Variants in TNC observed in about 807,000 individuals in gnomAD.
The protein encoded by TNC is tenascin.
A neutral mutation model predicts 202.4 loss-of-function variants in TNC; 109 were observed. The observed-to-expected ratio is 0.54, with a 90% confidence interval of 0.46 to 0.63. TNC has a LOEUF of 0.63. Ranked by LOEUF, TNC falls within the 30% of genes least tolerant of loss-of-function variation. TNC has a pLI of 0.00. For synonymous variants in TNC, 1,007 were observed against 1,089.7 expected, an observed-to-expected ratio of 0.92 and a Z score of 1.50; for missense variants, 2,756 against 2,833.3, an observed-to-expected ratio of 0.97 and a Z score of 0.62.
intron 1 of TNC, among the ~76,000 whole-genome samples, chr9:115,107,020 A>G (rs1408900207): frequency 6.6e-6 from 1 of 152,188 alleles, no homozygotes; most frequent in Non-Finnish European, 1.5e-5. Flanking sequence ...CATTATTCTG[A>G]ACTTCTTTTA....
rs1588164610 is a variant in TNC, at chr9:115,086,698, T to G, written c.1033A>C (p.Thr345Pro). Residue 345 changes from threonine (T) to proline (P), a missense_variant, in exon 3 of 28, where the codon ACC becomes CCC. This residue lies in a region of TNC where 2,559 missense variants were observed against 2,546.0 expected (regional missense o/e 1.01). Coordinates refer to ENST00000350763, the MANE Select transcript of TNC (RefSeq NM_002160.4). The stretch of plus-strand genomic sequence containing the variant: ...TGGGTGTGGCAGGCATGTGGGCAGG[T>G]GGGTTTCCCGCAGTCTTCACCTGTG... ...GFTGEDCGKP[T>P]CPHACHTQGR... 1 of 1,614,014 alleles carries G rather than the reference T, an allele frequency of 6.2e-7. No individual in the cohort carries two copies. Among genetic ancestry groups the G allele is most frequent in the South Asian group, 1.1e-5 (1 of 91,068 alleles).
intron 10 of TNC, among the ~76,000 whole-genome samples, chr9:115,067,229 T>G (rs1833021615): frequency 6.6e-6 from 1 of 152,224 alleles, no homozygotes; most frequent in African/African-American, 2.4e-5. Flanking sequence ...GAGCATGTCC[T>G]TCTCAAATAT....
At position 115,024,139 on chromosome 9, in the gene TNC, G is replaced by C. The variant is rs1829296812; in HGVS notation, c.6332-3C>G. On this transcript the variant is annotated splice_region_variant and splice_polypyrimidine_tract_variant and intron_variant, in intron 26 of 27. Transcript: ENST00000350763. ...ATTGTGGTAGGCCATGGAGTCACCT[G>C]GGAGAGACAGAAAATATGGACCTGA... 6.2e-7 allele frequency: 1 copy of C among 1,611,466 alleles called. No homozygotes were observed. Among genetic ancestry groups the C allele is most frequent in the African/African-American group, 1.3e-5 (1 of 75,008 alleles).
intron 15 of TNC, among the ~76,000 whole-genome samples, chr9:115,053,219 TC>T (rs1336607214): frequency 6.6e-6 from 1 of 152,216 alleles, no homozygotes; most frequent in Non-Finnish European, 1.5e-5. Context: ...ATATTTGTGT[TC>T]TTTATTTTTA....
chr9:115,084,824 TC>T lies in TNC; in HGVS notation c.1868-353del, dbSNP rs1164174108. ...CCTGCTCTGAACTTTGAGTTACGTG[TC>T]CCTAGCACTGGGAGGGTATTTTGGG... On this transcript the variant is annotated intron_variant, in intron 3 of 27. Transcript: ENST00000350763. Among the ~76,000 whole-genome samples, 4 of 152,272 alleles carry T rather than the reference TC, an allele frequency of 2.6e-5. No homozygotes were observed. In the East Asian group the frequency reaches 7.7e-4, roughly 29 times the overall value.
In TNC at chr9:115,087,061, C is replaced by T. The variant is rs201357679; in HGVS notation, c.670G>A (p.Asp224Asn). 4.2e-5 allele frequency: 68 copies of T among 1,613,538 alleles called. 1 individual carries two copies. Among genetic ancestry groups the T allele is most frequent in the African/African-American group, 3.6e-4 (27 of 75,046 alleles). ...EDCSQLACPSDCNDQGKCVNG... is the reference protein window; with the variant it reads ...EDCSQLACPSNCNDQGKCVNG... Reference sequence around the variant, plus strand: ...ACGCACTTGCCCTGGTCATTGCAGTCGCTGGGGCAAGCCAGCTGGCTGCAG... The same window carrying T: ...ACGCACTTGCCCTGGTCATTGCAGTTGCTGGGGCAAGCCAGCTGGCTGCAG... Residue 224 changes from aspartate to asparagine, a missense_variant, in exon 3 of 28, where the codon GAC becomes AAC. Transcript: ENST00000350763.
rs774491355 is a variant in TNC, at chr9:115,042,359, C to A, written c.5126-18G>T. On this transcript the variant is annotated intron_variant, in intron 17 of 27. Transcript: ENST00000350763. Reference sequence around the variant, plus strand: ...GCCCATGGCTGTCAAGAAGAAAGCACAAGAGAAGCCCAGAAACAGTTAACT... The same window carrying A: ...GCCCATGGCTGTCAAGAAGAAAGCAAAAGAGAAGCCCAGAAACAGTTAACT... The A allele has an allele frequency of 1.2e-6, 2 of 1,613,052 alleles. No homozygotes were observed. The highest frequency in any genetic ancestry group is 3.3e-5 in the Admixed American group (2 of 59,758).
At chr9:115,096,276 TTCGAAGTGCTCTG>T (rs1835782941) in intron 1 of TNC, among the ~76,000 whole-genome samples, 3 of 152,278 alleles carry the variant, frequency 2.0e-5, no homozygotes, top group African/African-American at 7.2e-5. Context: ...TGGTCTTGAA[TTCGAAGTGCTCTG>T]TCCCATATTC....
At chr9:115,106,388 A>C (rs1244552417) in intron 1 of TNC, among the ~76,000 whole-genome samples, 4 of 152,216 alleles carry the variant, frequency 2.6e-5, no homozygotes, top group Non-Finnish European at 5.9e-5. Context: ...TTCATTGTTC[A>C]AGTTAAAGAA....
chr9:115,030,137 C>T lies in TNC; in HGVS notation c.6072+117G>A, dbSNP rs1487416199. On this transcript the variant is annotated intron_variant, in intron 24 of 27. Transcript: ENST00000350763. ...TGTGACAGGCACTATCTTGCAAGGC[C>T]TCACACATGGGGGTGTCAGAGTGCA... The T allele has an allele frequency of 6.3e-6, 7 of 1,111,094 alleles. No individual in the cohort carries two copies. The South Asian group carries it at 1.0e-4, about 16-fold the overall frequency. 68.8% of individuals were successfully genotyped at this position (1,111,094 alleles called of 1,614,324 possible).
At chr9:115,021,294 A>C (rs763718351) in intron 27 of TNC, 27 bp from the exon 28 acceptor site, 1 of 1,562,950 alleles carries the variant, frequency 6.4e-7, no homozygotes, top group Non-Finnish European at 8.7e-7. Flanking sequence ...AGAGAGAGAG[A>C]GAGAGAGAGA....
chr9:115,053,032 GGCA>G, intron 15 of TNC: 1 of 693,348 alleles, frequency 1.4e-6, no homozygotes, highest in South Asian at 1.5e-5. Context: ...AAGGAATATG[GGCA>G]GAGAGAAAGA....
intron 1 of TNC, among the ~76,000 whole-genome samples, chr9:115,115,949 T>A (rs1418812483): frequency 1.3e-5 from 2 of 152,160 alleles, no homozygotes; most frequent in East Asian, 3.8e-4. Flanking sequence ...AAAATCATGA[T>A]CTTAGAATAT....
At chr9:115,081,726 G>T in intron 6 of TNC, 46 bp downstream of exon 6, 1 of 1,607,462 alleles carries the variant, frequency 6.2e-7, no homozygotes, top group Non-Finnish European at 8.5e-7. Context: ...GTGCTATGAG[G>T]TACAATCAGC....
At chr9:115,101,488 C>T (rs1836231498) in intron 1 of TNC, among the ~76,000 whole-genome samples, 1 of 152,206 alleles carries the variant, frequency 6.6e-6, no homozygotes, top group African/African-American at 2.4e-5. Context: ...GCTAGGGTTA[C>T]AGGCGTGAGC....
At chr9:115,040,221 G>C (rs1466587678) in intron 19 of TNC, among the ~76,000 whole-genome samples, 5 of 152,196 alleles carry the variant, frequency 3.3e-5, no homozygotes, top group African/African-American at 9.7e-5. Flanking sequence ...TTCAAATTTG[G>C]TTCCAGCATT....
chr9:115,099,392 A>G (rs1836051896), intron 1 of TNC, among the ~76,000 whole-genome samples: 1 of 152,224 alleles, frequency 6.6e-6, no homozygotes, highest in Non-Finnish European at 1.5e-5. Context: ...CAAATATCCA[A>G]GAAACATCTG....
Position 115,062,966 on chromosome 9 carries a change from G to A in TNC, c.3984C>T (p.Gly1328=), listed in dbSNP as rs554908600. 2.2e-5 allele frequency: 35 copies of A among 1,613,872 alleles called. No homozygotes were observed. Among genetic ancestry groups the A allele is most frequent in the South Asian group, 1.1e-4 (10 of 91,058 alleles). The part of the protein sequence containing the change: ...AGTPYTVTLH[G]EVRGHSTRPL... The stretch of plus-strand genomic sequence containing the variant: ...GTCGAGTGCTGTGGCCCCTGACCTC[G>A]CCGTGCAGGGTGACTGTGTAAGGAG... Residue 1328 remains glycine (G), a synonymous_variant, in exon 13 of 28, where the codon GGC becomes GGT. Coordinates refer to ENST00000350763, the MANE Select transcript of TNC (RefSeq NM_002160.4).
intron 3 of TNC, among the ~76,000 whole-genome samples, chr9:115,085,111 T>C (rs1834609249): frequency 6.6e-6 from 1 of 152,212 alleles, no homozygotes; most frequent in Non-Finnish European, 1.5e-5. Context: ...AAGAAGACAC[T>C]CATTAAATAT....
Sources: allele counts gnomAD v4.1 joint callset (sites outside exome capture counted in the v4.1 genomes callset), GRCh38; gene constraint gnomAD v4.1.1; regional missense constraint gnomAD v4.1.1; transcripts MANE v1.5; gene names NCBI Gene and HGNC (gene_info 2026-07-23, HGNC 2026-07-21).